Variants in ARHGAP24 observed in about 807,000 individuals in gnomAD.
The protein encoded by ARHGAP24 is rho GTPase-activating protein 24.
ARHGAP24 carries 50 observed loss-of-function variants against 76.4 expected under a neutral mutation model. The observed-to-expected ratio is 0.65, with a 90% confidence interval of 0.52 to 0.83. ARHGAP24 has a LOEUF of 0.83. Ranked by LOEUF, ARHGAP24 falls within the 40% of genes least tolerant of loss-of-function variation. The pLI is 0.00. For missense variants in ARHGAP24, 930 were observed against 914.2 expected (o/e 1.02, Z -0.22); for synonymous variants, 345 against 323.3 (o/e 1.07, Z -0.72).
At chr4:85,954,121 C>T (rs1737776075) in intron 5 of ARHGAP24, among the ~76,000 whole-genome samples, 1 of 152,026 alleles carries the variant, frequency 6.6e-6, no homozygotes. Flanking sequence ...ATGAGCTGCC[C>T]CAAACATAAC....
chr4:85,670,191 A>C (rs967197737), intron 2 of ARHGAP24, among the ~76,000 whole-genome samples: 1 of 152,164 alleles, frequency 6.6e-6, no homozygotes, highest in Non-Finnish European at 1.5e-5. Context: ...ACGGTGCCTG[A>C]TGGTGCCAGC....
At chr4:85,850,643 A>G (rs1479287933) in intron 3 of ARHGAP24, among the ~76,000 whole-genome samples, 5 of 152,136 alleles carry the variant, frequency 3.3e-5, no homozygotes, top group Admixed American at 3.3e-4. Context: ...ATTCTGGTAC[A>G]TTGTGTCTTT....
At chr4:85,955,398 A>G (rs1306331569) in intron 5 of ARHGAP24, among the ~76,000 whole-genome samples, 1 of 152,182 alleles carries the variant, frequency 6.6e-6, no homozygotes, top group Non-Finnish European at 1.5e-5. Context: ...AAAACAAAAC[A>G]AAAACTGTAA....
intron 3 of ARHGAP24, among the ~76,000 whole-genome samples, chr4:85,748,421 T>C (rs1158985877): frequency 6.6e-6 from 1 of 152,210 alleles, no homozygotes; most frequent in Non-Finnish European, 1.5e-5. Flanking sequence ...TGTTCAAGAT[T>C]GAAAGCAGTG....
chr4:85,957,989 A>T (rs1289346680), intron 5 of ARHGAP24, among the ~76,000 whole-genome samples: 2 of 152,190 alleles, frequency 1.3e-5, no homozygotes, highest in Non-Finnish European at 2.9e-5. Flanking sequence ...CTTCCACTGA[A>T]ACCCAATGGG....
At chr4:85,852,132 G>A (rs1311093217) in intron 3 of ARHGAP24, among the ~76,000 whole-genome samples, 1 of 152,128 alleles carries the variant, frequency 6.6e-6, no homozygotes, top group Non-Finnish European at 1.5e-5. Context: ...ATACTTCTTG[G>A]AGGCTTTGTT....
At chr4:85,845,315 T>G (rs1170564536) in intron 3 of ARHGAP24, among the ~76,000 whole-genome samples, 1 of 152,168 alleles carries the variant, frequency 6.6e-6, no homozygotes, top group African/African-American at 2.4e-5. Context: ...TTGTGGTATG[T>G]CTTTACTTAC....
At chr4:85,995,736 G>T in intron 9 of ARHGAP24, 79 bp downstream of exon 9, 1 of 1,364,894 alleles carries the variant, frequency 7.3e-7, no homozygotes, top group Admixed American at 1.9e-5. Context: ...CACTGAGGGT[G>T]ACATATGCTG....
chr4:85,844,303 G>A (rs908919066), intron 3 of ARHGAP24, among the ~76,000 whole-genome samples: 4 of 152,190 alleles, frequency 2.6e-5, no homozygotes, highest in Non-Finnish European at 5.9e-5. Flanking sequence ...CAGGTTCCTG[G>A]CTGAACTGTT....
chr4:85,973,987 C>T (rs551341318), intron 6 of ARHGAP24, among the ~76,000 whole-genome samples: 11 of 149,614 alleles, frequency 7.4e-5, no homozygotes, highest in Middle Eastern at 3.4e-3. Context: ...GGACTACAGG[C>T]GCCCGCCACC....
At chr4:85,502,218 T>C (rs1416880197) in intron 1 of ARHGAP24, among the ~76,000 whole-genome samples, 1 of 152,178 alleles carries the variant, frequency 6.6e-6, no homozygotes, top group Non-Finnish European at 1.5e-5. Context: ...TCTTTTTTGG[T>C]TCCATATGAA....
At chr4:85,629,571 G>A (rs963619862) in intron 2 of ARHGAP24, among the ~76,000 whole-genome samples, 7 of 152,090 alleles carry the variant, frequency 4.6e-5, no homozygotes, top group African/African-American at 1.7e-4. Flanking sequence ...TTGTTTGTGT[G>A]GGAAATTATA....
In ARHGAP24 at chr4:85,585,962, C is replaced by T. The variant is rs1261909187; in HGVS notation, c.180+15241C>T. 2.0e-5 allele frequency among the ~76,000 whole-genome samples: 3 copies of T among 152,200 alleles called. No homozygotes were observed. The East Asian group carries it at 5.8e-4, about 29-fold the overall frequency. ...CTCTCATTGGAGCAACAATTTCTGA[C>T]TCCTGGAATCCCTCCAATTTTCTAG... On this transcript the variant is annotated intron_variant, in intron 2 of 9. Coordinates refer to ENST00000395184, the MANE Select transcript of ARHGAP24 (RefSeq NM_001025616.3).
At chr4:85,691,913 T>C (rs1462608141) in intron 2 of ARHGAP24, among the ~76,000 whole-genome samples, 2 of 152,196 alleles carry the variant, frequency 1.3e-5, no homozygotes, top group Non-Finnish European at 2.9e-5. Flanking sequence ...GAGTTGTTGC[T>C]TTATAGTGTC....
chr4:85,984,997 T>C (rs988929284), intron 8 of ARHGAP24, among the ~76,000 whole-genome samples: 1 of 152,030 alleles, frequency 6.6e-6, no homozygotes, highest in African/African-American at 2.4e-5. Flanking sequence ...AATTTTTGTA[T>C]TTTTAGTAGA....
intron 3 of ARHGAP24, among the ~76,000 whole-genome samples, chr4:85,900,105 AT>A (rs1407929117): frequency 6.6e-6 from 1 of 152,254 alleles, no homozygotes; most frequent in African/African-American, 2.4e-5. Flanking sequence ...GCAAAGTAAA[AT>A]TGAAGTAATC....
intron 2 of ARHGAP24, among the ~76,000 whole-genome samples, chr4:85,583,322 GTTATGTC>G (rs1459920032): frequency 1.3e-5 from 2 of 152,026 alleles, no homozygotes; most frequent in Admixed American, 6.6e-5. Context: ...ATTATGAACT[GTTATGTC>G]TTATGTGTTC....
chr4:85,664,031 CAT>C (rs1722510511), intron 2 of ARHGAP24, among the ~76,000 whole-genome samples: 1 of 151,284 alleles, frequency 6.6e-6, no homozygotes, highest in Non-Finnish European at 1.5e-5. Flanking sequence ...ATGCTGGCCT[CAT>C]AAAATGAGTT....
rs367751405 is a variant in ARHGAP24 at position 85,713,158 on chromosome 4, C to T, written c.181-8727C>T. The stretch of plus-strand genomic sequence containing the variant: ...ACAAAAAATTTAAAAATTAGCCAGG[C>T]GTGGTGGCATGCACCTGGAGTCCCT... On this transcript the variant is annotated intron_variant, in intron 2 of 9. Transcript: ENST00000395184. 8.0e-3 allele frequency among the ~76,000 whole-genome samples: 1,209 copies of T among 152,048 alleles called. 5 individuals carry two copies. Among genetic ancestry groups the T allele is most frequent in the Non-Finnish European group, 0.013 (869 of 67,986 alleles).
Sources: allele counts gnomAD v4.1 joint callset (sites outside exome capture counted in the v4.1 genomes callset), GRCh38; gene constraint gnomAD v4.1.1; transcripts MANE v1.5; gene names NCBI Gene and HGNC (gene_info 2026-07-23, HGNC 2026-07-21).